The following SNX29 variants were observed in gnomAD, a reference collection of about 807,000 sequenced individuals.
SNX29 encodes sorting nexin 29, also known as sorting nexin-29.
SNX29 carries 78 observed loss-of-function variants against 102.1 expected under a neutral mutation model. The ratio of observed to expected loss-of-function variants is 0.76; its 90% CI spans 0.64 to 0.92. The LOEUF (loss-of-function observed/expected upper bound fraction) is 0.92. Ranked by LOEUF, SNX29 falls within the 40% of genes least tolerant of loss-of-function variation. SNX29 has a pLI of 0.00. For missense variants in SNX29, 1,280 were observed against 1,061.7 expected (o/e 1.21, Z -2.86); for synonymous variants, 580 against 414.5 (o/e 1.40, Z -4.85).
chr16:12,111,248 C>T (rs2053490401), intron 11 of SNX29, among the ~76,000 whole-genome samples: 1 of 152,156 alleles, frequency 6.6e-6, no homozygotes, highest in Non-Finnish European at 1.5e-5. Context: ...CCCTTCCACC[C>T]CTGCACCAGT....
intron 18 of SNX29, among the ~76,000 whole-genome samples, chr16:12,427,463 T>C (rs1202015695): frequency 6.6e-6 from 1 of 152,194 alleles, no homozygotes; most frequent in East Asian, 1.9e-4. Flanking sequence ...TTTATCTGTA[T>C]TTTCTCAGTT....
chr16:12,529,634 A>G (rs1031020461), intron 20 of SNX29, among the ~76,000 whole-genome samples: 4 of 152,016 alleles, frequency 2.6e-5, no homozygotes, highest in African/African-American at 9.7e-5. Flanking sequence ...CAAATTCCCA[A>G]CTGGATTTTC....
At chr16:12,562,548 TAA>T (rs2141492567) in intron 20 of SNX29, among the ~76,000 whole-genome samples, 1 of 152,300 alleles carries the variant, frequency 6.6e-6, no homozygotes, top group South Asian at 2.1e-4. Flanking sequence ...AGGAGTCATC[TAA>T]GACACTGTCC....
chr16:12,447,143 G>A (rs1029616400), intron 18 of SNX29, among the ~76,000 whole-genome samples: 1 of 130,266 alleles, frequency 7.7e-6, no homozygotes. Flanking sequence ...CTCCAGCCTG[G>A]CGACAGAGGG....
At chr16:12,383,767 ACTTT>A (rs1292639091) in intron 16 of SNX29, among the ~76,000 whole-genome samples, 41 of 142,040 alleles carry the variant, frequency 2.9e-4, no homozygotes, top group African/African-American at 1.1e-3. Context: ...AGATACGTCA[ACTTT>A]CTTTTTTTTT....
At chr16:12,518,425 C>G (rs2089960315) in intron 19 of SNX29, among the ~76,000 whole-genome samples, 1 of 152,216 alleles carries the variant, frequency 6.6e-6, no homozygotes, top group African/African-American at 2.4e-5. Context: ...ATTTGCTGTT[C>G]TTTCCACTTG....
chr16:12,465,869 C>T (rs1029066157), intron 18 of SNX29, among the ~76,000 whole-genome samples: 3 of 150,684 alleles, frequency 2.0e-5, no homozygotes, highest in Non-Finnish European at 4.4e-5. Flanking sequence ...TCATCAATGT[C>T]TGATACTTTT....
intron 13 of SNX29, among the ~76,000 whole-genome samples, chr16:12,132,698 T>A (rs377691304): frequency 6.6e-6 from 1 of 152,186 alleles, no homozygotes; most frequent in African/African-American, 2.4e-5. Flanking sequence ...GTAGATAAAA[T>A]CAATGTCCTA....
At chr16:12,549,955 A>T (rs2077863843) in intron 20 of SNX29, among the ~76,000 whole-genome samples, 1 of 152,226 alleles carries the variant, frequency 6.6e-6, no homozygotes, top group African/African-American at 2.4e-5. Context: ...GTAAAGTTTT[A>T]TTGGAACATG....
At chr16:12,413,063 G>A (rs2084471573) in intron 18 of SNX29, among the ~76,000 whole-genome samples, 1 of 152,246 alleles carries the variant, frequency 6.6e-6, no homozygotes, top group Admixed American at 6.5e-5. Flanking sequence ...GCTCATCATG[G>A]AGATTGGCAG....
chr16:12,127,473 A>G (rs71385190), intron 12 of SNX29, among the ~76,000 whole-genome samples: 1 of 147,642 alleles, frequency 6.8e-6, no homozygotes, highest in Non-Finnish European at 1.5e-5. Context: ...CCAGGCTGGA[A>G]TGCAGTGGCG....
intron 15 of SNX29, among the ~76,000 whole-genome samples, chr16:12,306,931 A>G (rs1349514550): frequency 6.6e-6 from 1 of 152,030 alleles, no homozygotes; most frequent in East Asian, 1.9e-4. Flanking sequence ...GCAGGAACAC[A>G]AGCTTCAGGG....
chr16:12,030,425 T>C (rs2057305863), intron 4 of SNX29, among the ~76,000 whole-genome samples: 1 of 152,154 alleles, frequency 6.6e-6, no homozygotes. Flanking sequence ...GGCTCTGCCT[T>C]TTACCCAGGT....
intron 15 of SNX29, among the ~76,000 whole-genome samples, chr16:12,303,282 GA>G (rs1489195263): frequency 6.6e-6 from 1 of 152,164 alleles, no homozygotes. Context: ...CGAACACCAG[GA>G]GAAACACAGC....
intron 4 of SNX29, 177 bp downstream of exon 4, chr16:12,027,621 CTTAAT>C: frequency 1.4e-6 from 1 of 691,208 alleles, no homozygotes; most frequent in South Asian, 2.0e-5. Context: ...TGTCTGGCAT[CTTAAT>C]TTAAATGAAG....
At chr16:12,193,320 A>AT (rs1555484471) in intron 13 of SNX29, among the ~76,000 whole-genome samples, 1 of 152,064 alleles carries the variant, frequency 6.6e-6, no homozygotes, top group Non-Finnish European at 1.5e-5. Context: ...AAATAAAACA[A>AT]TTAGCCGGGC....
At chr16:12,443,189 C>T in intron 18 of SNX29, 1 of 364,656 alleles carries the variant, frequency 2.7e-6, no homozygotes, top group Non-Finnish European at 5.4e-6. Flanking sequence ...CCTATGGAAG[C>T]TGCTCAGTAG....
chr16:12,272,754 C>T (rs763750891), intron 14 of SNX29, among the ~76,000 whole-genome samples: 4 of 152,196 alleles, frequency 2.6e-5, no homozygotes, highest in Non-Finnish European at 5.9e-5. Flanking sequence ...CACTTGCCAC[C>T]CTTCAGAAGC....
chr16:12,435,931 C>G (rs2085513561), intron 18 of SNX29, among the ~76,000 whole-genome samples: 1 of 152,180 alleles, frequency 6.6e-6, no homozygotes, highest in Non-Finnish European at 1.5e-5. Flanking sequence ...TCTGTGGGAA[C>G]AGCGACGCCA....
Sources: gnomAD v4.1 joint callset for allele counts (sites outside exome capture counted in the v4.1 genomes callset) on GRCh38, gnomAD v4.1.1 for gene constraint, MANE v1.5 for transcripts, NCBI Gene and HGNC (gene_info 2026-07-23, HGNC 2026-07-21) for gene names.